DNAH2: variants seen among roughly 807,000 people sequenced by gnomAD.
DNAH2 encodes the protein dynein axonemal heavy chain 2.
In DNAH2, 323 loss-of-function variants were observed where a neutral mutation model predicts 523.5. The observed-to-expected ratio is 0.62, with a 90% CI of 0.56 to 0.68. The LOEUF (loss-of-function observed/expected upper bound fraction) is 0.68, where lower values mean the gene tolerates loss of function less well. DNAH2 is among the 30% of genes least tolerant of loss of function. The pLI is 0.00. For missense variants in DNAH2, 4,907 were observed against 5,701.5 expected (o/e 0.86, Z 4.49); for synonymous variants, 2,093 against 2,177.4 (o/e 0.96, Z 1.08).
chr17:7,818,383 A>G lies in DNAH2; in HGVS notation c.10459A>G (p.Thr3487Ala), dbSNP rs1362318248. Residue 3487 changes from threonine (T) to alanine (A), a missense_variant, in exon 69 of 86, where the codon ACC (threonine) becomes GCC (alanine). Around this residue, in one of 3 missense-constraint regions of DNAH2, gnomAD observed 1,851 missense variants for 2,139.4 expected, o/e 0.87. Coordinates refer to ENST00000572933, the MANE Select transcript of DNAH2 (RefSeq NM_020877.5). The part of the protein sequence containing the change: ...YNTNFRFYIT[T>A]KLSNPHYSPE... ...TACCAATTTCCGTTTCTACATCACC[A>G]CCAAGCTCTCCAACCCCCACTACAG... 2 of 1,614,172 alleles carry G rather than the reference A, an allele frequency of 1.2e-6. No homozygotes were observed. Among genetic ancestry groups the G allele is most frequent in the African/African-American group, 2.7e-5 (2 of 75,034 alleles).
At position 7,721,004 on chromosome 17, in the gene DNAH2, CTTTTT is replaced by C. The variant is rs71159523; in HGVS notation, c.166+1122_166+1126del. Among the ~76,000 whole-genome samples the C allele has an allele frequency of 3.6e-5, 4 of 109,736 alleles. No individual in the cohort carries two copies. The East Asian group carries it at 8.6e-4, about 24-fold the overall frequency. 72.0% of individuals were successfully genotyped at this position (109,736 alleles called of 152,430 possible). A position where few individuals can be genotyped will look rare whatever the true frequency, so the allele number is the denominator to read the frequency against. Reference sequence around the variant, plus strand: ...GCTCCAAGCTTTCTTTTCTTTCTTTCTTTTTTTTTTTTTTTTTTTTTTGAGACAAA... The same window carrying C: ...GCTCCAAGCTTTCTTTTCTTTCTTTCTTTTTTTTTTTTTTTTTGAGACAAA... On this transcript the variant is annotated intron_variant, in intron 2 of 85. Coordinates refer to ENST00000572933, the MANE Select transcript of DNAH2 (RefSeq NM_020877.5).
Position 7,786,926 on chromosome 17 carries a change from T to G in DNAH2, c.6496T>G (p.Phe2166Val). ...GAAACCCGACGAGAAGTGGATCCTG[T>G]TCGATGGCCCCGTGGACACACTGTG... ...DEKPDEKWIL[F>V]DGPVDTLWIE... The change falls in exon 42 of 86, where the codon TTC becomes GTC. Residue 2166 changes from phenylalanine (F) to valine (V), a missense_variant. This residue lies in a region of DNAH2 where 2,806 missense variants were observed against 3,190.8 expected (regional missense o/e 0.88). Transcript: ENST00000572933. This position sits in a 1 kb window ranked among gnomAD's most constrained non-coding sequence, Gnocchi z 7.5. 2 of 1,614,164 alleles carry G rather than the reference T, an allele frequency of 1.2e-6. No individual in the cohort carries two copies. The highest frequency in any genetic ancestry group is 3.3e-4 in the Middle Eastern group (2 of 6,062).
rs752055664 is a variant in DNAH2, at chr17:7,818,059, A to G, written c.10350A>G (p.Thr3450=). 6.2e-7 allele frequency: 1 copy of G among 1,613,448 alleles called. No individual in the cohort carries two copies. The highest frequency in any genetic ancestry group is 2.2e-5 in the East Asian group (1 of 44,894). The change falls in exon 68 of 86, where the codon ACA becomes ACG. Residue 3450 remains threonine (T), a synonymous_variant. Transcript: ENST00000572933. The stretch of plus-strand genomic sequence containing the variant: ...ACGTGCAGGAATATCTGGACCCCAC[A>G]CTGAACCCCATGCTCAACAAATCTG... The part of the protein sequence containing the change: ...LQNVQEYLDP[T]LNPMLNKSVA...
intron 56 of DNAH2, among the ~76,000 whole-genome samples, chr17:7,801,219 G>T (rs1414390165): frequency 2.6e-5 from 4 of 152,092 alleles, no homozygotes; most frequent in African/African-American, 9.7e-5. Context: ...ACTTACCATA[G>T]CCAGGCGCTA....
Position 7,764,111 on chromosome 17 carries a change from C to T in DNAH2, c.3180-6C>T. The T allele has an allele frequency of 6.2e-7, 1 of 1,614,216 alleles. No individual in the cohort carries two copies. Among genetic ancestry groups the T allele is most frequent in the Non-Finnish European group, 8.5e-7 (1 of 1,180,046 alleles). ...ACTCACTAGCACTCCCTTTGCCCGC[C>T]TTCAGAATCAGCCGCCCTCCGCAGA... On this transcript the variant is annotated splice_polypyrimidine_tract_variant and splice_region_variant and intron_variant, in intron 19 of 85. Transcript: ENST00000572933.
intron 4 of DNAH2, among the ~76,000 whole-genome samples, chr17:7,731,049 C>T (rs1310934989): frequency 1.3e-5 from 2 of 151,844 alleles, no homozygotes; most frequent in Non-Finnish European, 2.9e-5. Flanking sequence ...ACCAGGGAGG[C>T]AGAGGTTGCA....
chr17:7,749,789 G>A (rs942417130), intron 12 of DNAH2, among the ~76,000 whole-genome samples: 2 of 152,052 alleles, frequency 1.3e-5, no homozygotes, highest in African/African-American at 4.8e-5. Context: ...GAGGTCAGGA[G>A]TTCGAGACCA....
chr17:7,721,301 G>T (rs1287938690), intron 2 of DNAH2, among the ~76,000 whole-genome samples: 4 of 152,134 alleles, frequency 2.6e-5, no homozygotes, highest in African/African-American at 9.7e-5. Flanking sequence ...AGCCTCCTGA[G>T]TAGCTGGGAT....
At chr17:7,830,003 G>A (rs1292321027) in intron 77 of DNAH2, among the ~76,000 whole-genome samples, 1 of 136,346 alleles carries the variant, frequency 7.3e-6, no homozygotes, top group African/African-American at 2.9e-5. Flanking sequence ...TCCAGCCTGG[G>A]CAACAACAGC....
At position 7,772,993 on chromosome 17, in the gene DNAH2, C is replaced by T. The variant is rs542806813; in HGVS notation, c.4501+1525C>T. On this transcript the variant is annotated intron_variant, in intron 28 of 85. Coordinates refer to ENST00000572933, the MANE Select transcript of DNAH2 (RefSeq NM_020877.5). ...TTCACCATGTTGGTCAGGCTGGTCT[C>T]GAACTCCTGACCTCAAGTGATCCAC... Among the ~76,000 whole-genome samples, 7 of 152,056 alleles carry T rather than the reference C, an allele frequency of 4.6e-5. No homozygotes were observed. In the East Asian group the frequency reaches 7.7e-4, roughly 17 times the overall value.
intron 18 of DNAH2, among the ~76,000 whole-genome samples, chr17:7,763,549 G>A (rs1284462968): frequency 6.6e-6 from 1 of 152,250 alleles, no homozygotes; most frequent in Non-Finnish European, 1.5e-5. Context: ...AAAGTGCTGG[G>A]ATTACAGGCG....
At chr17:7,729,483 T>A (rs762410396) in intron 4 of DNAH2, among the ~76,000 whole-genome samples, 23 of 151,940 alleles carry the variant, frequency 1.5e-4, no homozygotes, top group Non-Finnish European at 2.4e-4. Context: ...CAGCCTGGAG[T>A]GCAATGGCGC....
intron 8 of DNAH2, 136 bp downstream of exon 8, chr17:7,737,394 C>A: frequency 1.1e-6 from 1 of 943,628 alleles, no homozygotes; most frequent in Non-Finnish European, 1.6e-6. Context: ...AGACTGAGCT[C>A]AGAAGGCTTC....
At chr17:7,769,268 T>C (rs2076252848) in intron 24 of DNAH2, among the ~76,000 whole-genome samples, 1 of 152,164 alleles carries the variant, frequency 6.6e-6, no homozygotes, top group African/African-American at 2.4e-5. Flanking sequence ...TTCAAGCAAT[T>C]CTTGTGCCTC....
chr17:7,798,041 C>T lies in DNAH2; in HGVS notation c.8231-116C>T. ...TGGGCCTTGGGCACCAACTTCTTCT[C>T]ATACCTCTTGGTTCCTCTGCTTCAG... On this transcript the variant is annotated intron_variant, in intron 53 of 85. Coordinates refer to ENST00000572933, the MANE Select transcript of DNAH2 (RefSeq NM_020877.5). This position sits in a 1 kb window ranked among gnomAD's most constrained non-coding sequence, Gnocchi z 5.5. 1 of 1,429,664 alleles carries T rather than the reference C, an allele frequency of 7.0e-7. No homozygotes were observed. Among genetic ancestry groups the T allele is most frequent in the East Asian group, 2.3e-5 (1 of 43,442 alleles). 88.6% of individuals were successfully genotyped at this position (1,429,664 alleles called of 1,614,324 possible).
At position 7,788,284 on chromosome 17, in the gene DNAH2, G is replaced by A. The variant is rs930641650; in HGVS notation, c.6900+40G>A. On this transcript the variant is annotated intron_variant, in intron 44 of 85. Transcript: ENST00000572933. ...CAGACCACGGGCAGGGGCAGGGGGT[G>A]CTCACAGCCTCACCAGAACAACTTC... The A allele has an allele frequency of 2.6e-6, 4 of 1,521,592 alleles. No individual in the cohort carries two copies. The African/African-American group carries it at 4.2e-5, about 16-fold the overall frequency. The allele number at this position is 1,521,592 out of a possible 1,614,324, so 94.3% of individuals were successfully genotyped here.
chr17:7,765,623 C>T (rs2076145418), intron 21 of DNAH2, 58 bp downstream of exon 21: 1 of 1,560,142 alleles, frequency 6.4e-7, no homozygotes, highest in Non-Finnish European at 8.7e-7. Context: ...CCCCGCCTTC[C>T]AAGCCCAGGT....
At chr17:7,731,373 C>T (rs947285203) in intron 4 of DNAH2, among the ~76,000 whole-genome samples, 12 of 151,780 alleles carry the variant, frequency 7.9e-5, no homozygotes, top group Non-Finnish European at 1.6e-4. Context: ...AGAAAGGGAT[C>T]CTTTGGGAAG....
In DNAH2 at chr17:7,833,434, A is replaced by G; in HGVS notation, c.13185A>G (p.Arg4395=). 6.2e-7 allele frequency: 1 copy of G among 1,614,140 alleles called. No homozygotes were observed. The highest frequency in any genetic ancestry group is 8.5e-7 in the Non-Finnish European group (1 of 1,180,028). Residue 4395 remains arginine, a synonymous_variant, in exon 86 of 86, where the codon CGA becomes CGG. Coordinates refer to ENST00000572933, the MANE Select transcript of DNAH2 (RefSeq NM_020877.5). ...CCAACCGGGCAGGCAGCTCAGACCG[A>G]GCCTCCTTTGTCATCGGCATTGACC... ...YYPNRAGSSD[R]ASFVIGIDLR...
Sources: allele counts gnomAD v4.1 joint callset (sites outside exome capture counted in the v4.1 genomes callset), GRCh38; gene constraint gnomAD v4.1.1; regional missense constraint gnomAD v4.1.1; non-coding constraint Gnocchi (gnomAD v3.1); transcripts MANE v1.5; gene names NCBI Gene and HGNC (gene_info 2026-07-23, HGNC 2026-07-21).